Variants in SMG1 observed in about 807,000 individuals in gnomAD.
SMG1 encodes the protein SMG1 nonsense mediated mRNA decay associated PI3K related kinase, also known as serine/threonine-protein kinase SMG1.
SMG1 carries 22 observed loss-of-function variants against 419.9 expected under a neutral mutation model. The observed-to-expected ratio is 0.05, with a 90% CI of 0.04 to 0.07. SMG1 has a LOEUF of 0.07. Among genes scored for constraint, SMG1 ranks in the 10% least tolerant of loss-of-function variants. The pLI is 1.00. For missense variants in SMG1, 3,185 were observed against 4,342.0 expected, an observed-to-expected ratio of 0.73 and a Z score of 7.49; for synonymous variants, 1,538 against 1,553.5, an observed-to-expected ratio of 0.99 and a Z score of 0.23.
At chr16:18,917,279 A>T (rs557607022) in intron 1 of SMG1, among the ~76,000 whole-genome samples, 1 of 151,834 alleles carries the variant, frequency 6.6e-6, no homozygotes, top group African/African-American at 2.4e-5. Context: ...CAGCCTCCCA[A>T]GTAGCTGGGA....
intron 39 of SMG1, among the ~76,000 whole-genome samples, chr16:18,845,142 C>A (rs2034185106): frequency 6.6e-6 from 1 of 152,210 alleles, no homozygotes; most frequent in Non-Finnish European, 1.5e-5. Flanking sequence ...CTCAGGGTCA[C>A]AGCCCCTTCC....
chr16:18,838,269 CA>C, intron 44 of SMG1, 37 bp from the exon 45 acceptor site: 1 of 1,609,554 alleles, frequency 6.2e-7, no homozygotes, highest in Non-Finnish European at 8.5e-7. Context: ...AGGTCTGCCA[CA>C]AGTTTCATCA....
At chr16:18,864,187 C>CA in intron 23 of SMG1, 43 bp from the exon 24 acceptor site, 1 of 596,852 alleles carries the variant, frequency 1.7e-6, no homozygotes, top group Non-Finnish European at 2.3e-6. Flanking sequence ...TATCTACTTA[C>CA]TTTTTTTTTT....
intron 54 of SMG1, among the ~76,000 whole-genome samples, 152 bp downstream of exon 54, chr16:18,829,134 G>T (rs1947823659): frequency 6.6e-6 from 1 of 152,178 alleles, no homozygotes; most frequent in African/African-American, 2.4e-5. Context: ...TCATTGGAAA[G>T]AAAGTGCCAA....
intron 1 of SMG1, among the ~76,000 whole-genome samples, chr16:18,920,048 G>GCA (rs2038134773): frequency 6.6e-6 from 1 of 151,622 alleles, no homozygotes. Flanking sequence ...CCAAGATCGT[G>GCA]CCACTGCACT....
At chr16:18,855,342 T>C (rs370813495) in intron 29 of SMG1, among the ~76,000 whole-genome samples, 17 of 152,192 alleles carry the variant, frequency 1.1e-4, no homozygotes, top group Admixed American at 3.9e-4. Context: ...CCAGTGCTCC[T>C]TGGACTCAGT....
chr16:18,847,987 T>C lies in SMG1; in HGVS notation c.5670A>G (p.Gln1890=). 6.2e-7 allele frequency: 1 copy of C among 1,613,962 alleles called. No individual in the cohort carries two copies. Among genetic ancestry groups the C allele is most frequent in the Non-Finnish European group, 8.5e-7 (1 of 1,179,864 alleles). ...ATTCAGAAACCAGCAATTCTTCTCC[T>C]TGAATATTGCCAAGTAAAGTTGGAA... ...TAIPTLLGNI[Q]GEELLVSECE... The change falls in exon 37 of 63, where the codon CAA becomes CAG. Residue 1890 remains glutamine, a synonymous_variant. Transcript: ENST00000446231.
At position 18,850,357 on chromosome 16, in the gene SMG1, A is replaced by C. The variant is rs761736644; in HGVS notation, c.5163T>G (p.Leu1721=). 15 of 1,613,950 alleles carry C rather than the reference A, an allele frequency of 9.3e-6. No homozygotes were observed. In the South Asian group the frequency reaches 1.5e-4, roughly 17 times the overall value. Residue 1721 remains leucine, a synonymous_variant, in exon 34 of 63, where the codon CTT becomes CTG. Transcript: ENST00000446231. ...LISSCPWLSE[L]DESATEGVIK... ...TAACTCCTTCAGTTGCACTTTCATC[A>C]AGTTCTGAAAGCCATGGGCAGCTTG...
intron 47 of SMG1, 24 bp downstream of exon 47, chr16:18,836,336 A>C (rs371378353): frequency 2.5e-6 from 4 of 1,607,448 alleles, no homozygotes; most frequent in African/African-American, 1.3e-5. Flanking sequence ...TTCACATGTG[A>C]ATCTAAAATA....
intron 55 of SMG1, among the ~76,000 whole-genome samples, 173 bp downstream of exon 55, chr16:18,827,856 CTA>C (rs66730720): frequency 0.4 from 57,678 of 143,696 alleles, 12,091 homozygotes; most frequent in Middle Eastern, 0.52. Flanking sequence ...ATATATATAC[CTA>C]TATATATATA....
intron 1 of SMG1, among the ~76,000 whole-genome samples, chr16:18,898,140 A>T (rs1157558169): frequency 1.3e-5 from 2 of 152,214 alleles, no homozygotes; most frequent in African/African-American, 2.4e-5. Flanking sequence ...CATAAAACTT[A>T]GCATGAGCTC....
At chr16:18,900,637 T>C (rs1243923348) in intron 1 of SMG1, among the ~76,000 whole-genome samples, 1 of 152,212 alleles carries the variant, frequency 6.6e-6, no homozygotes, top group East Asian at 1.9e-4. Context: ...AAATTGCTTT[T>C]ACCTAGGTTT....
At chr16:18,922,428 A>G (rs1031962851) in intron 1 of SMG1, among the ~76,000 whole-genome samples, 30 of 152,308 alleles carry the variant, frequency 2.0e-4, no homozygotes, top group Middle Eastern at 3.4e-3. Flanking sequence ...TGAGGAACCC[A>G]TAGATTTCAA....
chr16:18,862,291 T>C (rs2035257781), intron 25 of SMG1, among the ~76,000 whole-genome samples: 1 of 152,220 alleles, frequency 6.6e-6, no homozygotes, highest in Non-Finnish European at 1.5e-5. Flanking sequence ...TCCTCTTCTA[T>C]TCTTTCACAA....
chr16:18,834,594 T>C (rs2033433331), intron 49 of SMG1, among the ~76,000 whole-genome samples, 156 bp from the exon 50 acceptor site: 1 of 152,180 alleles, frequency 6.6e-6, no homozygotes, highest in East Asian at 1.9e-4. Context: ...CTGATCAATA[T>C]GGCAAAACCC....
chr16:18,877,457 G>C lies in SMG1; in HGVS notation c.1519-225C>G, dbSNP rs566017445. ...GGAGGGAGGAGTGGGGAGAGGGAAC[G>C]AGGAAGGAGTGGGTGGAACATAAAA... On this transcript the variant is annotated intron_variant, in intron 11 of 62. Transcript: ENST00000446231. 29 of 399,220 alleles carry C rather than the reference G, an allele frequency of 7.3e-5. 2 individuals carry two copies. Among genetic ancestry groups the C allele is most frequent in the South Asian group, 6.6e-4 (21 of 31,602 alleles). The allele number at this position is 399,220 out of a possible 1,614,324, so 24.7% of individuals were successfully genotyped here.
chr16:18,850,842 C>T (rs1227307173), intron 33 of SMG1, among the ~76,000 whole-genome samples: 1 of 152,106 alleles, frequency 6.6e-6, no homozygotes, highest in Non-Finnish European at 1.5e-5. Context: ...ACCTCTCTGC[C>T]TCCCAGGTTC....
chr16:18,834,231 T>A lies in SMG1; in HGVS notation c.8538A>T (p.Leu2846Phe), dbSNP rs1313345107. The A allele has an allele frequency of 1.9e-6, 3 of 1,602,916 alleles. No homozygotes were observed. The Admixed American group carries it at 5.1e-5, about 27-fold the overall frequency. The stretch of plus-strand genomic sequence containing the variant: ...GAAGTGAGGTATACACTCCATTGGC[T>A]AAGTGAACTGTCTCAGACGCTTCCA... The part of the protein sequence containing the change: ...NPMEASETVH[L>F]ANGVYTSLQE... The change falls in exon 50 of 63, where the codon TTA (leucine) becomes TTT (phenylalanine). Residue 2846 changes from leucine to phenylalanine, a missense_variant. Transcript: ENST00000446231.
intron 1 of SMG1, among the ~76,000 whole-genome samples, chr16:18,903,269 T>G (rs1239397071): frequency 6.6e-6 from 1 of 152,210 alleles, no homozygotes; most frequent in Non-Finnish European, 1.5e-5. Flanking sequence ...ACGAAGCCAG[T>G]AACTCCAGGA....
Sources: gnomAD v4.1 joint callset for allele counts (sites outside exome capture counted in the v4.1 genomes callset) on GRCh38, gnomAD v4.1.1 for gene constraint, MANE v1.5 for transcripts, NCBI Gene and HGNC (gene_info 2026-07-23, HGNC 2026-07-21) for gene names.